Variants in MGAT4C observed in about 807,000 individuals in gnomAD.
The protein encoded by MGAT4C is alpha-1,3-mannosyl-glycoprotein 4-beta-N-acetylglucosaminyltransferase C.
Under a neutral mutation model 40.1 loss-of-function variants are expected in MGAT4C, and 19 were observed. The observed-to-expected ratio is 0.47, with a 90% confidence interval of 0.33 to 0.70. The LOEUF is 0.70. Ranked by LOEUF, MGAT4C falls within the 30% of genes least tolerant of loss-of-function variation. The pLI, the probability that MGAT4C is intolerant of heterozygous loss-of-function variation, is 0.02. For synonymous variants in MGAT4C, 181 were observed against 187.1 expected (o/e 0.97, Z 0.27); for missense variants, 491 against 563.2 (o/e 0.87, Z 1.30).
chr12:86,701,744 C>T (rs1950368147), intron 2 of MGAT4C, among the ~76,000 whole-genome samples: 1 of 152,084 alleles, frequency 6.6e-6, no homozygotes, highest in South Asian at 2.1e-4. Flanking sequence ...AGGTAGGCCT[C>T]TTGTGACAAA....
At chr12:85,980,524 ACTAC>A in intron 4 of MGAT4C, 94 bp from the exon 5 acceptor site, 5 of 1,112,142 alleles carry the variant, frequency 4.5e-6, no homozygotes, top group Non-Finnish European at 6.3e-6. Context: ...CTTGCTACTT[ACTAC>A]ATATTAAGTA....
Position 86,793,321 on chromosome 12 carries a change from T to C in MGAT4C, c.-262+45345A>G, listed in dbSNP as rs1417053932. Among the ~76,000 whole-genome samples, 6 of 152,294 alleles carry C rather than the reference T, an allele frequency of 3.9e-5. No individual in the cohort carries two copies. The South Asian group carries it at 1.0e-3, about 26-fold the overall frequency. On this transcript the variant is annotated intron_variant, in intron 1 of 7. Transcript: ENST00000548651. ...TAATTAAAGCAAACGAAATCTTCAGTAACCAAGTGTAAATTGTAAGTGAAT... is the reference window on the plus strand; with the variant it reads ...TAATTAAAGCAAACGAAATCTTCAGCAACCAAGTGTAAATTGTAAGTGAAT...
intron 2 of MGAT4C, among the ~76,000 whole-genome samples, chr12:86,523,684 G>T (rs1032949981): frequency 1.2e-4 from 18 of 152,084 alleles, no homozygotes; most frequent in African/African-American, 4.3e-4. Context: ...TGTCAGTGGG[G>T]TTGTAAAGCA....
At chr12:86,669,352 A>C (rs1404372841) in intron 2 of MGAT4C, among the ~76,000 whole-genome samples, 1 of 152,116 alleles carries the variant, frequency 6.6e-6, no homozygotes, top group African/African-American at 2.4e-5. Flanking sequence ...GCCCAGTCAT[A>C]TCTCCAGGCA....
At chr12:86,437,322 T>A (rs1258463448) in intron 2 of MGAT4C, among the ~76,000 whole-genome samples, 3 of 151,928 alleles carry the variant, frequency 2.0e-5, no homozygotes, top group South Asian at 2.1e-4. Context: ...ATACAAATAG[T>A]CATATTAAGG....
chr12:86,643,726 T>C (rs1390579443), intron 2 of MGAT4C, among the ~76,000 whole-genome samples: 2 of 151,840 alleles, frequency 1.3e-5, no homozygotes, highest in East Asian at 3.9e-4. Flanking sequence ...TGGTTTCTTT[T>C]GGGTTAATGA....
At chr12:86,349,717 A>G (rs1010041971) in intron 3 of MGAT4C, among the ~76,000 whole-genome samples, 4 of 152,096 alleles carry the variant, frequency 2.6e-5, no homozygotes, top group Admixed American at 2.0e-4. Flanking sequence ...TAAGAAGCAG[A>G]TTTCATACAT....
chr12:86,733,348 T>C (rs985478565), intron 1 of MGAT4C, among the ~76,000 whole-genome samples: 6 of 152,178 alleles, frequency 3.9e-5, no homozygotes, highest in Admixed American at 2.6e-4. Context: ...TTAAGATGTA[T>C]TTTTGTTGCT....
chr12:86,540,323 C>T (rs1565836120), intron 2 of MGAT4C, among the ~76,000 whole-genome samples: 1 of 152,196 alleles, frequency 6.6e-6, no homozygotes, highest in Admixed American at 6.5e-5. Flanking sequence ...TTCCCAAAAA[C>T]AACTAACAAT....
chr12:85,985,519 G>T (rs1885107838), intron 3 of MGAT4C, among the ~76,000 whole-genome samples: 1 of 152,000 alleles, frequency 6.6e-6, no homozygotes, highest in Admixed American at 6.5e-5. Context: ...TACTGCCTTT[G>T]ATAATTTGGA....
intron 1 of MGAT4C, among the ~76,000 whole-genome samples, chr12:86,167,988 G>A (rs911104245): frequency 6.6e-6 from 1 of 152,060 alleles, no homozygotes; most frequent in African/African-American, 2.4e-5. Context: ...GCTCAAGTAT[G>A]TTAAGTGTTA....
intron 4 of MGAT4C, among the ~76,000 whole-genome samples, chr12:86,295,695 T>C (rs548526323): frequency 2.0e-5 from 3 of 152,252 alleles, no homozygotes; most frequent in East Asian, 1.9e-4. Flanking sequence ...AGGGTGCTGA[T>C]TGGTGCATTT....
At chr12:86,697,735 G>A (rs925823512) in intron 2 of MGAT4C, among the ~76,000 whole-genome samples, 3 of 152,058 alleles carry the variant, frequency 2.0e-5, no homozygotes, top group African/African-American at 7.2e-5. Flanking sequence ...CAATAATGAT[G>A]TTGATAAAGC....
intron 2 of MGAT4C, among the ~76,000 whole-genome samples, chr12:85,998,287 G>A (rs996563636): frequency 2.6e-5 from 4 of 151,994 alleles, no homozygotes. Flanking sequence ...TTCCTCCTGG[G>A]CCTCCAGACC....
intron 2 of MGAT4C, among the ~76,000 whole-genome samples, chr12:86,623,698 GA>G (rs1429148003): frequency 5.1e-4 from 77 of 152,136 alleles, no homozygotes; most frequent in African/African-American, 1.7e-3. Flanking sequence ...AAAGCAAAAA[GA>G]ACATTGGCAA....
intron 2 of MGAT4C, among the ~76,000 whole-genome samples, chr12:86,641,370 G>C (rs886078575): frequency 3.3e-5 from 5 of 151,604 alleles, no homozygotes; most frequent in Non-Finnish European, 5.9e-5. Flanking sequence ...GGACTGTTGT[G>C]GGGTGGGGGG....
chr12:86,211,637 T>A (rs1950475353), intron 1 of MGAT4C, among the ~76,000 whole-genome samples: 1 of 151,810 alleles, frequency 6.6e-6, no homozygotes, highest in Non-Finnish European at 1.5e-5. Context: ...AAAGCTTACA[T>A]AGATTACAGC....
chr12:86,636,323 C>A (rs1041376650), intron 2 of MGAT4C, among the ~76,000 whole-genome samples: 2 of 152,010 alleles, frequency 1.3e-5, no homozygotes, highest in African/African-American at 4.8e-5. Flanking sequence ...TATAAACCTT[C>A]CACAGTAATG....
chr12:86,053,910 A>G lies in MGAT4C; in HGVS notation c.-56-4187T>C, dbSNP rs1031037692. 2.6e-5 allele frequency among the ~76,000 whole-genome samples: 4 copies of G among 152,088 alleles called. No homozygotes were observed. The South Asian group carries it at 8.3e-4, about 32-fold the overall frequency. ...ATGATGAGTTATCACCTGACCTGTT[A>G]GAATGGCCACCATAAAAAAAGATGA... On this transcript the variant is annotated intron_variant, in intron 1 of 4. Coordinates refer to ENST00000611864, the MANE Select transcript of MGAT4C (RefSeq NM_001351288.2).
Sources: allele counts gnomAD v4.1 joint callset (sites outside exome capture counted in the v4.1 genomes callset), GRCh38; gene constraint gnomAD v4.1.1; transcripts MANE v1.5; gene names NCBI Gene and HGNC (gene_info 2026-07-23, HGNC 2026-07-21).